CTSK: variants seen among roughly 807,000 people sequenced by gnomAD.
CTSK encodes the protein cathepsin K, also known as cathepsin O.
Under a neutral mutation model 40.5 loss-of-function variants are expected in CTSK, and 26 were observed. That is an observed-to-expected ratio of 0.64 (90% CI 0.47 to 0.89). The LOEUF (loss-of-function observed/expected upper bound fraction) is 0.89. Among genes scored for constraint, CTSK ranks in the 40% least tolerant of loss-of-function variants. CTSK has a pLI of 0.00. For missense variants in CTSK, 292 were observed against 400.1 expected (o/e 0.73, Z 2.30); for synonymous variants, 132 against 143.2 (o/e 0.92, Z 0.56).
intron 7 of CTSK, among the ~76,000 whole-genome samples, chr1:150,798,369 A>G (rs1338897860): frequency 6.6e-6 from 1 of 152,246 alleles, no homozygotes; most frequent in African/African-American, 2.4e-5. Flanking sequence ...AATGGAAACC[A>G]TCTAAGAAAC....
chr1:150,797,590 G>C (rs1280192850), intron 7 of CTSK, among the ~76,000 whole-genome samples: 1 of 152,146 alleles, frequency 6.6e-6, no homozygotes, highest in Admixed American at 6.6e-5. Context: ...CAAGAGAGAC[G>C]ACGTGAGAAA....
intron 5 of CTSK, among the ~76,000 whole-genome samples, chr1:150,801,246 C>T (rs187386751): frequency 6.6e-6 from 1 of 152,044 alleles, no homozygotes; most frequent in Non-Finnish European, 1.5e-5. Flanking sequence ...CCTGCCTCAG[C>T]CTGCTGGGAT....
chr1:150,799,849 C>A (rs1201480518), intron 5 of CTSK, 140 bp from the exon 6 acceptor site: 1 of 849,412 alleles, frequency 1.2e-6, no homozygotes, highest in African/African-American at 1.7e-5. Context: ...AGGGTCTGTT[C>A]TTCCTCAGAA....
Position 150,804,058 on chromosome 1 carries a change from C to A in CTSK, c.581G>T (p.Gly194Val), listed in dbSNP as rs1255952340. ...TGGGTAGGCATCTTCAGAGTCAATA[C>A]CCCGGTTCTTCTGCACATATTGGAA... is the stretch of plus-strand genomic sequence containing the variant. Reference protein sequence around the residue: ...NAFQYVQKNRGIDSEDAYPYV... With the variant: ...NAFQYVQKNRVIDSEDAYPYV... Residue 194 changes from glycine to valine, a missense_variant, in exon 5 of 8, where the codon GGT (glycine) becomes GTT (valine). Gly to Val is a moderately radical substitution (Grantham distance 109). Coordinates refer to ENST00000271651, the MANE Select transcript of CTSK (RefSeq NM_000396.4). The A allele has an allele frequency of 2.5e-6, 4 of 1,614,066 alleles. No homozygotes were observed. Among genetic ancestry groups the A allele is most frequent in the Admixed American group, 3.3e-5 (2 of 59,998 alleles).
chr1:150,806,918 TAGTC>T (rs770382502), intron 1 of CTSK, 112 bp from the exon 2 acceptor site: 9 of 1,290,756 alleles, frequency 7.0e-6, no homozygotes, highest in Non-Finnish European at 9.9e-6. Flanking sequence ...AAAACAATGA[TAGTC>T]AGGAGGGGCC....
intron 3 of CTSK, 35 bp from the exon 4 acceptor site, chr1:150,806,051 G>A (rs774816040): frequency 6.2e-7 from 1 of 1,614,148 alleles, no homozygotes; most frequent in Non-Finnish European, 8.5e-7. Flanking sequence ...GGCATCAGCA[G>A]GGAACTAAAG....
chr1:150,807,765 C>A (rs1329371154), intron 1 of CTSK, among the ~76,000 whole-genome samples: 2 of 152,180 alleles, frequency 1.3e-5, no homozygotes, highest in Non-Finnish European at 2.9e-5. Flanking sequence ...AGTCCATTTA[C>A]ATGTAATTTT....
intron 4 of CTSK, 71 bp downstream of exon 4, chr1:150,805,790 A>C: frequency 6.5e-7 from 1 of 1,544,266 alleles, no homozygotes; most frequent in Non-Finnish European, 8.9e-7. Context: ...TTTCACCTCA[A>C]GAACAAAGCA....
intron 7 of CTSK, among the ~76,000 whole-genome samples, 155 bp from the exon 8 acceptor site, chr1:150,797,053 A>T (rs16841775): frequency 0.024 from 3,667 of 152,328 alleles, 146 homozygotes; most frequent in African/African-American, 0.08. Context: ...GGGAGAAGGC[A>T]TAATACTGTA....
Position 150,799,570 on chromosome 1 carries a change from A to G in CTSK, c.758T>C (p.Leu253Pro), listed in dbSNP as rs748857209. ...GPVSVAIDAS[L>P]TSFQFYSKGV... ...TTTGCTGTAAAACTGGAAGGAGGTC[A>G]GGCTTGCATCAATGGCCACAGAGAC... The change falls in exon 6 of 8, where the codon CTG (leucine) becomes CCG (proline). Residue 253 changes from leucine (L) to proline (P), a missense_variant. Physicochemically the swap from Leu to Pro is moderately conservative, Grantham distance 98. Coordinates refer to ENST00000271651, the MANE Select transcript of CTSK (RefSeq NM_000396.4). The G allele has an allele frequency of 3.1e-6, 5 of 1,614,240 alleles. No homozygotes were observed. Among genetic ancestry groups the G allele is most frequent in the East Asian group, 2.2e-5 (1 of 44,892 alleles).
rs777647239 is a variant in CTSK, at chr1:150,805,914, G to C, written c.346C>G (p.Pro116Ala). The C allele has an allele frequency of 6.2e-7, 1 of 1,614,106 alleles. No individual in the cohort carries two copies. The highest frequency in any genetic ancestry group is 8.5e-7 in the Non-Finnish European group (1 of 1,180,026). The part of the protein sequence containing the change: ...LYIPEWEGRA[P>A]DSVDYRKKGY... ...TTCTTTCGATAGTCGACAGAGTCTG[G>C]GGCTCTACCTTCCCATTCTGGGATA... Residue 116 changes from proline to alanine, a missense_variant, in exon 4 of 8, where the codon CCA becomes GCA. Transcript: ENST00000271651.
intron 7 of CTSK, among the ~76,000 whole-genome samples, chr1:150,797,107 A>G (rs1653889661): frequency 1.3e-5 from 2 of 152,220 alleles, no homozygotes; most frequent in Admixed American, 1.3e-4. Flanking sequence ...AGAGAATCTT[A>G]GAGGCTTGAT....
At chr1:150,800,175 C>T (rs1049013361) in intron 5 of CTSK, among the ~76,000 whole-genome samples, 3 of 115,334 alleles carry the variant, frequency 2.6e-5, no homozygotes, top group African/African-American at 7.3e-5. Flanking sequence ...CCAGCCTGGG[C>T]GAGAGCGAGA....
chr1:150,804,228 A>T lies in CTSK; in HGVS notation c.411T>A (p.Gly137=). ...VTPVKNQGQC[G]SCWAFSSVGA... Reference sequence around the variant, plus strand: ...CCACAGAGCTAAAAGCCCAACAGGAACCACACTGACCCTGAAAGGCATACA... The same window carrying T: ...CCACAGAGCTAAAAGCCCAACAGGATCCACACTGACCCTGAAAGGCATACA... Residue 137 remains glycine, a synonymous_variant, in exon 5 of 8, where the codon GGT becomes GGA. Transcript: ENST00000271651. 6.2e-7 allele frequency: 1 copy of T among 1,613,904 alleles called. No homozygotes were observed. Among genetic ancestry groups the T allele is most frequent in the Non-Finnish European group, 8.5e-7 (1 of 1,179,754 alleles).
Position 150,806,226 on chromosome 1 carries a change from T to C in CTSK, c.121-2A>G, listed in dbSNP as rs1057516587. 6.2e-7 allele frequency: 1 copy of C among 1,613,948 alleles called. No homozygotes were observed. The highest frequency in any genetic ancestry group is 8.5e-7 in the Non-Finnish European group (1 of 1,179,928). ...TAAACGCCGAGAGATTTCATCCACC[T>C]AAACAAAGCATAGTCAGTACTTGTA... On this transcript the variant is annotated splice_acceptor_variant, in intron 2 of 7. Transcript: ENST00000271651. LOFTEE classifies it high-confidence loss of function.
At chr1:150,805,038 T>C (rs10888396) in intron 4 of CTSK, among the ~76,000 whole-genome samples, 126,475 of 151,584 alleles carry the variant, frequency 0.83, 53,569 homozygotes, top group Non-Finnish European at 0.9. Context: ...ATGGCAAAAC[T>C]CTGTCTCTAC....
At chr1:150,801,821 G>T (rs1386395316) in intron 5 of CTSK, among the ~76,000 whole-genome samples, 5 of 151,998 alleles carry the variant, frequency 3.3e-5, no homozygotes, top group Non-Finnish European at 7.4e-5. Context: ...TTACAAGCGT[G>T]AGCCACCGCG....
intron 5 of CTSK, chr1:150,800,779 C>T (rs1329364891): frequency 1.3e-5 from 2 of 153,638 alleles, no homozygotes; most frequent in African/African-American, 4.8e-5. Context: ...AGCCACTCTA[C>T]TCCAGCCTGT....
Position 150,805,585 on chromosome 1 carries a change from G to A in CTSK, c.399+276C>T, listed in dbSNP as rs587618772. On this transcript the variant is annotated intron_variant, in intron 4 of 7. Coordinates refer to ENST00000271651, the MANE Select transcript of CTSK (RefSeq NM_000396.4). ...ACCCGGGAGGTGTAGGTTGCAGTGA[G>A]CCAAGATTGCACCACTGCACTCCAT... Among the ~76,000 whole-genome samples, 4 of 137,430 alleles carry A rather than the reference G, an allele frequency of 2.9e-5. No homozygotes were observed. The East Asian group carries it at 9.0e-4, about 31-fold the overall frequency. The allele number at this position is 137,430 out of a possible 152,430, so 90.2% of individuals were successfully genotyped here.
Sources: allele counts gnomAD v4.1 joint callset (sites outside exome capture counted in the v4.1 genomes callset), GRCh38; gene constraint gnomAD v4.1.1; transcripts MANE v1.5; gene names NCBI Gene and HGNC (gene_info 2026-07-23, HGNC 2026-07-21).